RBM33: variants seen among roughly 807,000 people sequenced by gnomAD.
RBM33 encodes RNA-binding protein 33.
In RBM33, 28 loss-of-function variants were observed where a neutral mutation model predicts 132.6. The ratio of observed to expected loss-of-function variants is 0.21; its 90% CI spans 0.16 to 0.29. The LOEUF (loss-of-function observed/expected upper bound fraction) is 0.29, where lower values mean the gene tolerates loss of function less well. Among genes scored for constraint, RBM33 ranks in the 10% least tolerant of loss-of-function variants. The probability of loss-of-function intolerance (pLI) is 1.00; values close to 1 mark genes in which losing one functional copy is unlikely to be tolerated. For missense variants in RBM33, 1,291 were observed against 1,518.5 expected (o/e 0.85, Z 2.49); for synonymous variants, 634 against 593.0 (o/e 1.07, Z -1.01).
chr7:155,711,267 C>T lies in RBM33; in HGVS notation c.1013C>T (p.Pro338Leu), dbSNP rs1006301380. The T allele has an allele frequency of 1.5e-5, 24 of 1,603,154 alleles. No homozygotes were observed. Among genetic ancestry groups the T allele is most frequent in the South Asian group, 3.3e-5 (3 of 89,592 alleles). ...QQQPIRSLFQ[P>L]QPLQPLLPVQ... ...CAGCCGATCAGAAGCCTGTTCCAGC[C>T]GCAGCCGCTGCAGCCGCTGCTTCCG... Residue 338 changes from proline (P) to leucine (L), a missense_variant, in exon 8 of 18, where the codon CCG becomes CTG. Around this residue, in one of 7 missense-constraint regions of RBM33, gnomAD observed 146 missense variants for 137.1 expected, o/e 1.07. Coordinates refer to ENST00000401878, the MANE Select transcript of RBM33 (RefSeq NM_053043.3).
chr7:155,744,054 C>G (rs777010472), intron 13 of RBM33, among the ~76,000 whole-genome samples: 1 of 152,170 alleles, frequency 6.6e-6, no homozygotes, highest in East Asian at 1.9e-4. Flanking sequence ...GGGCTGGCAC[C>G]GGGCACTCAA....
intron 1 of RBM33, among the ~76,000 whole-genome samples, chr7:155,647,652 G>C (rs1186419933): frequency 6.6e-6 from 1 of 152,108 alleles, no homozygotes; most frequent in East Asian, 1.9e-4. Context: ...GCAGGAACTC[G>C]GGCTCAAGTG....
chr7:155,758,501 G>A (rs763109946), intron 14 of RBM33, among the ~76,000 whole-genome samples: 2 of 152,170 alleles, frequency 1.3e-5, no homozygotes, highest in Non-Finnish European at 2.9e-5. Flanking sequence ...TGAGAATGCC[G>A]CTGCTGATCC....
intron 13 of RBM33, among the ~76,000 whole-genome samples, chr7:155,744,179 C>A (rs1801441507): frequency 6.6e-6 from 1 of 152,128 alleles, no homozygotes; most frequent in Non-Finnish European, 1.5e-5. Flanking sequence ...TAGATTAAAT[C>A]CTGTTACATT....
chr7:155,773,789 A>G (rs1314582893), intron 16 of RBM33, among the ~76,000 whole-genome samples: 2 of 152,108 alleles, frequency 1.3e-5, no homozygotes, highest in Non-Finnish European at 2.9e-5. Context: ...GGCTTAAGAA[A>G]GCAGAAAGCA....
intron 11 of RBM33, chr7:155,739,368 C>T (rs1801240982): frequency 5.3e-6 from 1 of 188,816 alleles, no homozygotes. Flanking sequence ...ATGCGGTTCC[C>T]TTTCATGCTG....
Position 155,766,796 on chromosome 7 carries a change from G to T in RBM33, c.3375+141G>T, listed in dbSNP as rs148766775. The T allele has an allele frequency of 1.2e-5, 9 of 781,024 alleles. No homozygotes were observed. In the African/African-American group the frequency reaches 1.6e-4, roughly 14 times the overall value. 48.4% of individuals were successfully genotyped at this position (781,024 alleles called of 1,614,324 possible). A position where few individuals can be genotyped will look rare whatever the true frequency, so the allele number is the denominator to read the frequency against. On this transcript the variant is annotated intron_variant, in intron 16 of 17. Transcript: ENST00000401878. Reference sequence around the variant, plus strand: ...TGGGAAGTAAGACAAATAACCTGTTGTGCATACTTAGTATCAGAACATTTG... The same window carrying T: ...TGGGAAGTAAGACAAATAACCTGTTTTGCATACTTAGTATCAGAACATTTG...
At position 155,644,796 on chromosome 7, in the gene RBM33, C is replaced by G. The variant is rs1266146851; in HGVS notation, c.-81C>G. 4.0e-6 allele frequency: 5 copies of G among 1,237,218 alleles called. No homozygotes were observed. The highest frequency in any genetic ancestry group is 5.4e-6 in the Non-Finnish European group (5 of 932,068). The allele number at this position is 1,237,218 out of a possible 1,614,324, so 76.6% of individuals were successfully genotyped here. ...CCCTCCCTTCTCTGTCCTCCGTCAC[C>G]CGTACCCGGGCCCGGACCAGGCACG... On this transcript the variant is annotated 5_prime_UTR_variant, in exon 1 of 18. Coordinates refer to ENST00000401878, the MANE Select transcript of RBM33 (RefSeq NM_053043.3).
intron 1 of RBM33, among the ~76,000 whole-genome samples, chr7:155,650,543 T>G (rs1585394072): frequency 2.2e-5 from 3 of 133,492 alleles, no homozygotes; most frequent in African/African-American, 3.2e-5. Flanking sequence ...GAGACTGACT[T>G]ACTGTTTTCT....
rs184441021 is a variant in RBM33 at position 155,750,327 on chromosome 7, T to C, written c.2979+4725T>C. Among the ~76,000 whole-genome samples the C allele has an allele frequency of 1.8e-4, 27 of 152,058 alleles. No individual in the cohort carries two copies. The East Asian group carries it at 4.6e-3, about 26-fold the overall frequency. On this transcript the variant is annotated intron_variant, in intron 14 of 17. Transcript: ENST00000401878. ...ATTCCCAGAAAAACAATTCAAGTAA[T>C]AACAGCAAATATAAAAAGTATAAAA...
intron 1 of RBM33, among the ~76,000 whole-genome samples, chr7:155,664,864 A>G (rs1316694043): frequency 6.6e-6 from 1 of 152,058 alleles, no homozygotes; most frequent in African/African-American, 2.4e-5. Context: ...TTCATGCAGT[A>G]AAAAAACACT....
chr7:155,746,073 C>G (rs1034218608), intron 14 of RBM33, among the ~76,000 whole-genome samples: 2 of 152,194 alleles, frequency 1.3e-5, no homozygotes, highest in African/African-American at 4.8e-5. Context: ...TGTTGTTATG[C>G]GGCACATGCT....
At position 155,766,545 on chromosome 7, in the gene RBM33, C is replaced by T. The variant is rs1802225101; in HGVS notation, c.3265C>T (p.Arg1089Trp). Reference protein sequence around the residue: ...GRLMPNKQNLRVVECKPQPCV... With the variant: ...GRLMPNKQNLWVVECKPQPCV... ...CCTGATGCCAAACAAGCAGAACCTG[C>T]GGGTGGTGGAGTGCAAGCCCCAGCC... The change falls in exon 16 of 18, where the codon CGG (arginine) becomes TGG (tryptophan). Residue 1089 changes from arginine to tryptophan, a missense_variant. Arg to Trp is a moderately radical substitution (Grantham distance 101). Coordinates refer to ENST00000401878, the MANE Select transcript of RBM33 (RefSeq NM_053043.3). The T allele has an allele frequency of 1.4e-5, 22 of 1,613,572 alleles. No individual in the cohort carries two copies. Among genetic ancestry groups the T allele is most frequent in the Non-Finnish European group, 1.8e-5 (21 of 1,179,790 alleles).
chr7:155,664,265 ATT>A (rs56158019), intron 1 of RBM33, among the ~76,000 whole-genome samples: 313 of 149,768 alleles, frequency 2.1e-3, no homozygotes, highest in Middle Eastern at 3.4e-3. Context: ...GTGTATATAC[ATT>A]TTTTTTTTTG....
At chr7:155,734,194 A>G (rs1801041140) in intron 9 of RBM33, among the ~76,000 whole-genome samples, 1 of 152,196 alleles carries the variant, frequency 6.6e-6, no homozygotes, top group African/African-American at 2.4e-5. Flanking sequence ...AGTCCAGTTC[A>G]CTTTTGAGAT....
Position 155,672,922 on chromosome 7 carries a change from A to G in RBM33, c.171+7A>G, listed in dbSNP as rs1295933889. The G allele has an allele frequency of 6.5e-7, 1 of 1,536,184 alleles. No individual in the cohort carries two copies. Among genetic ancestry groups the G allele is most frequent in the African/African-American group, 1.4e-5 (1 of 72,818 alleles). ...TTTGCTATCTGGCAAAAAGGTAAGA[A>G]GTTTATGTCCTTCTGAGATGAAATA... On this transcript the variant is annotated splice_region_variant and intron_variant, in intron 3 of 17. Coordinates refer to ENST00000401878, the MANE Select transcript of RBM33 (RefSeq NM_053043.3).
chr7:155,675,374 C>T (rs927913574), intron 3 of RBM33, among the ~76,000 whole-genome samples: 17 of 150,878 alleles, frequency 1.1e-4, no homozygotes, highest in Admixed American at 9.9e-4. Context: ...ATTGGCATTT[C>T]TCCCTTGTCA....
chr7:155,661,148 T>TA (rs1798638903), intron 1 of RBM33, among the ~76,000 whole-genome samples: 1 of 41,234 alleles, frequency 2.4e-5, no homozygotes, highest in Non-Finnish European at 9.2e-5. Flanking sequence ...ATATATATAT[T>TA]TTTTTTTTTT....
In RBM33 at chr7:155,720,554, A is replaced by G. The variant is rs1049070824; in HGVS notation, c.1260+2111A>G. Among the ~76,000 whole-genome samples the G allele has an allele frequency of 3.9e-5, 6 of 152,260 alleles. No individual in the cohort carries two copies. In the East Asian group the frequency reaches 9.6e-4, roughly 24 times the overall value. ...TTAAACTTGGTTCCTGTGAATGTAA[A>G]TGTAATTTTGTGAACATTTAATGAG... On this transcript the variant is annotated intron_variant, in intron 9 of 17. Transcript: ENST00000401878.
Sources: gnomAD v4.1 joint callset for allele counts (sites outside exome capture counted in the v4.1 genomes callset) on GRCh38, gnomAD v4.1.1 for gene constraint, gnomAD v4.1.1 regional missense constraint, MANE v1.5 for transcripts, NCBI Gene and HGNC (gene_info 2026-07-23, HGNC 2026-07-21) for gene names.